Variants in NR3C2 observed in about 807,000 individuals in gnomAD.
NR3C2 encodes the protein mineralocorticoid receptor.
NR3C2 carries 15 observed loss-of-function variants against 86.4 expected under a neutral mutation model. The ratio of observed to expected loss-of-function variants is 0.17; its 90% CI spans 0.12 to 0.27. NR3C2 has a LOEUF of 0.27. Ranked by LOEUF, NR3C2 falls within the 10% of genes least tolerant of loss-of-function variation. NR3C2 has a pLI of 1.00. For synonymous variants in NR3C2, 458 were observed against 450.5 expected, an observed-to-expected ratio of 1.02 and a Z score of -0.21; for missense variants, 960 against 1,195.6, an observed-to-expected ratio of 0.80 and a Z score of 2.91.
chr4:148,132,949 A>C (rs866866378), intron 6 of NR3C2, among the ~76,000 whole-genome samples: 1 of 152,244 alleles, frequency 6.6e-6, no homozygotes, highest in Non-Finnish European at 1.5e-5. Flanking sequence ...CTGTAATCCC[A>C]GCACTTTGGG....
chr4:148,440,526 C>T (rs536727767), intron 1 of NR3C2, among the ~76,000 whole-genome samples: 3 of 152,356 alleles, frequency 2.0e-5, no homozygotes, highest in East Asian at 1.9e-4. Flanking sequence ...AAAAATCAGG[C>T]TTGCCTGCCT....
At chr4:148,158,039 ATC>A (rs1244060459) in intron 4 of NR3C2, among the ~76,000 whole-genome samples, 1 of 152,228 alleles carries the variant, frequency 6.6e-6, no homozygotes, top group Non-Finnish European at 1.5e-5. Flanking sequence ...TTTATAGACT[ATC>A]TCTTTAATAA....
chr4:148,371,530 T>C (rs1477333475), intron 2 of NR3C2, among the ~76,000 whole-genome samples: 2 of 151,830 alleles, frequency 1.3e-5, no homozygotes, highest in African/African-American at 2.4e-5. Flanking sequence ...AATAACCATA[T>C]CCCATGTTAT....
chr4:148,097,097 C>A (rs1222941477), intron 8 of NR3C2, among the ~76,000 whole-genome samples: 1 of 152,278 alleles, frequency 6.6e-6, no homozygotes, highest in African/African-American at 2.4e-5. Flanking sequence ...TTTCCTCTTA[C>A]CATACAGATT....
At chr4:148,310,995 C>T (rs1021021917) in intron 2 of NR3C2, among the ~76,000 whole-genome samples, 1 of 152,008 alleles carries the variant, frequency 6.6e-6, no homozygotes, top group African/African-American at 2.4e-5. Context: ...TCTCAGTTCT[C>T]GCCTTATCTG....
chr4:148,217,733 A>G lies in NR3C2; in HGVS notation c.1898-22871T>C, dbSNP rs1340097295. 2.0e-5 allele frequency among the ~76,000 whole-genome samples: 3 copies of G among 152,220 alleles called. No individual in the cohort carries two copies. The East Asian group carries it at 5.8e-4, about 29-fold the overall frequency. ...AATAGTGAATTCTGCGAAAAAGAAT[A>G]GTCTAAAGTTTTCCACCCTCTGACT... is the stretch of plus-strand genomic sequence containing the variant. On this transcript the variant is annotated intron_variant, in intron 3 of 8. Transcript: ENST00000358102.
rs57175085 is a variant in NR3C2 at position 148,104,342 on chromosome 4, G to GTT, written c.2799+9760_2799+9761dup. 1.6e-3 allele frequency among the ~76,000 whole-genome samples: 100 copies of GTT among 63,780 alleles called. 2 individuals carry two copies. Among genetic ancestry groups the GTT allele is most frequent in the East Asian group, 9.6e-3 (15 of 1,560 alleles). 41.8% of individuals were successfully genotyped at this position (63,780 alleles called of 152,430 possible). A position where few individuals can be genotyped will look rare whatever the true frequency, so the allele number is the denominator to read the frequency against. On this transcript the variant is annotated intron_variant, in intron 8 of 8. Coordinates refer to ENST00000358102, the MANE Select transcript of NR3C2 (RefSeq NM_000901.5). ...GTTTGTTTTTTTGTGTTTTGGTTTG[G>GTT]TTTTTTTTTTTTTTTTTTTTGCATA...
At chr4:148,111,109 T>C (rs1732027656) in intron 8 of NR3C2, among the ~76,000 whole-genome samples, 1 of 152,114 alleles carries the variant, frequency 6.6e-6, no homozygotes, top group African/African-American at 2.4e-5. Context: ...ATCCAGAAAA[T>C]ATAAAGAACC....
At position 148,332,442 on chromosome 4, in the gene NR3C2, G is replaced by C. The variant is rs564279978; in HGVS notation, c.1758-72325C>G. The stretch of plus-strand genomic sequence containing the variant: ...GAATGTCTTTTTTCCCTAATACTTA[G>C]ACAATATCTCTATGAATATACGTCC... On this transcript the variant is annotated intron_variant, in intron 2 of 8. Transcript: ENST00000358102. Among the ~76,000 whole-genome samples the C allele has an allele frequency of 1.4e-4, 21 of 152,136 alleles. No homozygotes were observed. The South Asian group carries it at 4.4e-3, about 32-fold the overall frequency.
At position 148,078,986 on chromosome 4, in the gene NR3C2, C is replaced by T. The variant is rs534016803; in HGVS notation, c.*2358G>A. On this transcript the variant is annotated 3_prime_UTR_variant, in exon 9 of 9. Coordinates refer to ENST00000358102, the MANE Select transcript of NR3C2 (RefSeq NM_000901.5). ...GACAATTTGGACTGGGACAGGCATT[C>T]AACAGTGAATTTAGAATATGGCTTT... is the stretch of plus-strand genomic sequence containing the variant. 1 of 152,652 alleles carries T rather than the reference C, an allele frequency of 6.6e-6. No individual in the cohort carries two copies. The highest frequency in any genetic ancestry group is 1.9e-4 in the East Asian group (1 of 5,180). 9.5% of individuals were successfully genotyped at this position (152,652 alleles called of 1,614,324 possible).
At chr4:148,319,703 C>A (rs1403996780) in intron 2 of NR3C2, among the ~76,000 whole-genome samples, 2 of 150,850 alleles carry the variant, frequency 1.3e-5, no homozygotes, top group East Asian at 3.9e-4. Flanking sequence ...TATAAGAATG[C>A]TTGTGATTTT....
intron 2 of NR3C2, among the ~76,000 whole-genome samples, chr4:148,382,449 A>G (rs1424080069): frequency 6.6e-6 from 1 of 152,170 alleles, no homozygotes; most frequent in Non-Finnish European, 1.5e-5. Flanking sequence ...ATGCTATTGT[A>G]CTTGTCCAAG....
intron 2 of NR3C2, among the ~76,000 whole-genome samples, chr4:148,299,491 T>C (rs1025810587): frequency 5.9e-5 from 9 of 152,102 alleles, no homozygotes; most frequent in Non-Finnish European, 1.2e-4. Flanking sequence ...ATGCGTGGGA[T>C]GGATGGGCAA....
intron 2 of NR3C2, among the ~76,000 whole-genome samples, chr4:148,267,532 A>G (rs1023291708): frequency 3.3e-5 from 5 of 152,168 alleles, no homozygotes; most frequent in Non-Finnish European, 5.9e-5. Context: ...GGTAAGCAGA[A>G]GAAAGGGTTT....
chr4:148,234,681 TAAAAA>T (rs76089180), intron 3 of NR3C2, among the ~76,000 whole-genome samples: 16 of 73,054 alleles, frequency 2.2e-4, no homozygotes, highest in African/African-American at 6.5e-4. Flanking sequence ...AGACTCCAAC[TAAAAA>T]AAAAAAAAAA....
chr4:148,191,373 C>G (rs1736187380), intron 4 of NR3C2, among the ~76,000 whole-genome samples: 2 of 152,132 alleles, frequency 1.3e-5, no homozygotes, highest in African/African-American at 4.8e-5. Context: ...ATAGGTTTTC[C>G]TTTATAGGTT....
chr4:148,383,754 C>G (rs1579233283), intron 2 of NR3C2, among the ~76,000 whole-genome samples: 1 of 152,078 alleles, frequency 6.6e-6, no homozygotes. Context: ...TCAGGACCAG[C>G]CTGGTCAACA....
At chr4:148,304,816 G>A (rs1455268012) in intron 2 of NR3C2, among the ~76,000 whole-genome samples, 1 of 152,086 alleles carries the variant, frequency 6.6e-6, no homozygotes, top group Non-Finnish European at 1.5e-5. Context: ...ACTATGCAGT[G>A]GGGAGGAGTC....
intron 3 of NR3C2, among the ~76,000 whole-genome samples, chr4:148,199,525 G>A (rs1378887170): frequency 2.6e-5 from 4 of 152,076 alleles, no homozygotes; most frequent in Non-Finnish European, 4.4e-5. Flanking sequence ...CATACACTCA[G>A]GGGCAGAAGC....
Sources: gnomAD v4.1 joint callset for allele counts (sites outside exome capture counted in the v4.1 genomes callset) on GRCh38, gnomAD v4.1.1 for gene constraint, MANE v1.5 for transcripts, NCBI Gene and HGNC (gene_info 2026-07-23, HGNC 2026-07-21) for gene names.